USP43: variants seen among roughly 807,000 people sequenced by gnomAD.
USP43 encodes ubiquitin specific peptidase 43, also known as ubiquitin carboxyl-terminal hydrolase 43.
In USP43, 33 loss-of-function variants were observed where a neutral mutation model predicts 90.7. That is an observed-to-expected ratio of 0.36 (90% CI 0.28 to 0.49). The LOEUF (loss-of-function observed/expected upper bound fraction) is 0.49. Ranked by LOEUF, USP43 falls within the 20% of genes least tolerant of loss-of-function variation. The probability of loss-of-function intolerance (pLI) is 0.98; values close to 1 mark genes in which losing one functional copy is unlikely to be tolerated. For missense variants in USP43, 1,274 were observed against 1,476.4 expected, an observed-to-expected ratio of 0.86 and a Z score of 2.25; for synonymous variants, 598 against 615.8, an observed-to-expected ratio of 0.97 and a Z score of 0.43.
chr17:9,714,224 T>C (rs1916361214), intron 14 of USP43, among the ~76,000 whole-genome samples: 1 of 152,176 alleles, frequency 6.6e-6, no homozygotes, highest in African/African-American at 2.4e-5. Flanking sequence ...GCCCGATTCC[T>C]AACAGGCTGT....
At chr17:9,716,551 A>G (rs1038494252) in intron 14 of USP43, among the ~76,000 whole-genome samples, 4 of 152,198 alleles carry the variant, frequency 2.6e-5, no homozygotes, top group African/African-American at 9.6e-5. Flanking sequence ...ACAATTGTCA[A>G]TAAAAAAGCA....
intron 14 of USP43, among the ~76,000 whole-genome samples, chr17:9,719,667 G>A (rs1916818292): frequency 6.6e-6 from 1 of 152,216 alleles, no homozygotes; most frequent in Non-Finnish European, 1.5e-5. Context: ...TTCACATGGA[G>A]AGAGACTGCA....
chr17:9,656,635 G>T lies in USP43; in HGVS notation c.636+101G>T, dbSNP rs139145187. On this transcript the variant is annotated intron_variant, in intron 2 of 14. Coordinates refer to ENST00000285199, the MANE Select transcript of USP43 (RefSeq NM_153210.5). ...CTGAATCTTGAAATTGAGATTCTTA[G>T]ATTCCTATATAGTCTGGCTACTATA... The T allele has an allele frequency of 3.1e-4, 437 of 1,420,942 alleles. 2 individuals carry two copies. In the African/African-American group the frequency reaches 4.3e-3, roughly 14 times the overall value. 88.0% of individuals were successfully genotyped at this position (1,420,942 alleles called of 1,614,324 possible).
chr17:9,659,027 G>A (rs116987472), intron 2 of USP43, among the ~76,000 whole-genome samples: 1 of 152,300 alleles, frequency 6.6e-6, no homozygotes, highest in Non-Finnish European at 1.5e-5. Flanking sequence ...CTAATTGGGT[G>A]CAGCTGGGTT....
At chr17:9,661,337 C>T (rs1276913676) in intron 2 of USP43, among the ~76,000 whole-genome samples, 28 of 152,154 alleles carry the variant, frequency 1.8e-4, no homozygotes, top group Non-Finnish European at 1.5e-5. Context: ...CATGTCATCT[C>T]TTGGGATTTT....
At chr17:9,671,595 A>G (rs1729920560) in intron 3 of USP43, among the ~76,000 whole-genome samples, 1 of 152,228 alleles carries the variant, frequency 6.6e-6, no homozygotes, top group Non-Finnish European at 1.5e-5. Flanking sequence ...AGCAAACCGC[A>G]GCCCTGAGTT....
chr17:9,692,476 G>A (rs1915017755), intron 8 of USP43, among the ~76,000 whole-genome samples: 1 of 152,096 alleles, frequency 6.6e-6, no homozygotes, highest in African/African-American at 2.4e-5. Flanking sequence ...TGGGCTTCTT[G>A]GCCATCTGTA....
At chr17:9,679,516 CTTTTTTTTTTTT>C (rs544977324) in intron 5 of USP43, among the ~76,000 whole-genome samples, 11 of 82,308 alleles carry the variant, frequency 1.3e-4, no homozygotes, top group Non-Finnish European at 1.9e-4. Context: ...TGAAATGCAT[CTTTTTTTTTTTT>C]TTTTTTTTTT....
Position 9,663,542 on chromosome 17 carries a change from C to G in USP43, c.637-3106C>G, listed in dbSNP as rs368607639. 4.0e-3 allele frequency among the ~76,000 whole-genome samples: 604 copies of G among 152,276 alleles called. 2 individuals carry two copies. Among genetic ancestry groups the G allele is most frequent in the African/African-American group, 0.013 (557 of 41,544 alleles). ...TGAACTCCTGACCTCAGGTGATCCA[C>G]CCGCCTCAGCCTCCCGAAGTGCTGG... On this transcript the variant is annotated intron_variant, in intron 2 of 14. Transcript: ENST00000285199.
intron 12 of USP43, among the ~76,000 whole-genome samples, chr17:9,704,428 G>A (rs1212211249): frequency 3.3e-5 from 5 of 152,076 alleles, no homozygotes; most frequent in Non-Finnish European, 7.4e-5. Context: ...CCAGCCTCCT[G>A]AGTACTTGGG....
rs770716441 is a variant in USP43 at position 9,719,305 on chromosome 17, G to A, written c.2335+7173G>A. 4.6e-5 allele frequency among the ~76,000 whole-genome samples: 7 copies of A among 152,158 alleles called. No individual in the cohort carries two copies. The East Asian group carries it at 5.8e-4, about 13-fold the overall frequency. Reference sequence around the variant, plus strand: ...GCTTGATATCCTCCCAGGAGGAGGCGATTTCAAAGGATGGTCCAAGTTTTT... The same window carrying A: ...GCTTGATATCCTCCCAGGAGGAGGCAATTTCAAAGGATGGTCCAAGTTTTT... On this transcript the variant is annotated intron_variant, in intron 14 of 14. Transcript: ENST00000285199.
In USP43 at chr17:9,671,279, A is replaced by AGTGT. The variant is rs61191393; in HGVS notation, c.741-3594_741-3591dup. 9.8e-3 allele frequency among the ~76,000 whole-genome samples: 1,465 copies of AGTGT among 149,674 alleles called. 22 individuals carry two copies. The highest frequency in any genetic ancestry group is 0.034 in the African/African-American group (1,387 of 40,742). On this transcript the variant is annotated intron_variant, in intron 3 of 14. Transcript: ENST00000285199. Reference sequence around the variant, plus strand: ...TGTTGGAGTTTTGGCTGGAGGAGGGAGTGTGTGTGTGTGTGTGTGTGCACA... The same window carrying AGTGT: ...TGTTGGAGTTTTGGCTGGAGGAGGGAGTGTGTGTGTGTGTGTGTGTGTGTGCACA...
At position 9,709,640 on chromosome 17, in the gene USP43, C is replaced by T. The variant is rs996715264; in HGVS notation, c.2012-316C>T. Reference sequence around the variant, plus strand: ...CTGAGGCAGGAGAATCACTGGAACCCGGGGGGTGGAGGTTGCCGTGAGCCG... The same window carrying T: ...CTGAGGCAGGAGAATCACTGGAACCTGGGGGGTGGAGGTTGCCGTGAGCCG... On this transcript the variant is annotated intron_variant, in intron 12 of 14. Coordinates refer to ENST00000285199, the MANE Select transcript of USP43 (RefSeq NM_153210.5). The surrounding 1 kb of genome is among the most constrained non-coding windows in gnomAD (Gnocchi z 5.0). Among the ~76,000 whole-genome samples the T allele has an allele frequency of 1.3e-5, 2 of 152,082 alleles. No individual in the cohort carries two copies. Among genetic ancestry groups the T allele is most frequent in the South Asian group, 4.2e-4 (2 of 4,804 alleles).
In USP43 at chr17:9,702,745, C is replaced by T. The variant is rs1413965324; in HGVS notation, c.2011+1045C>T. Among the ~76,000 whole-genome samples, 10 of 152,254 alleles carry T rather than the reference C, an allele frequency of 6.6e-5. No individual in the cohort carries two copies. In the South Asian group the frequency reaches 1.2e-3, roughly 19 times the overall value. ...AGCTGCGGCAATTGAGTGTCTCCACCGTGCAGATAGTGTGGAGGGTCATCG... is the reference window on the plus strand; with the variant it reads ...AGCTGCGGCAATTGAGTGTCTCCACTGTGCAGATAGTGTGGAGGGTCATCG... On this transcript the variant is annotated intron_variant, in intron 12 of 14. Transcript: ENST00000285199.
At chr17:9,721,897 A>ATT (rs375545876) in intron 14 of USP43, among the ~76,000 whole-genome samples, 1,583 of 136,952 alleles carry the variant, frequency 0.012, 33 homozygotes, top group African/African-American at 0.039. Context: ...CACCCAGCTA[A>ATT]TTTTTTTTTT....
intron 14 of USP43, among the ~76,000 whole-genome samples, chr17:9,713,643 T>C (rs1330536949): frequency 6.6e-6 from 1 of 152,004 alleles, no homozygotes; most frequent in East Asian, 1.9e-4. Flanking sequence ...TGGGAGACAG[T>C]GGTGGTTTGA....
At chr17:9,705,541 G>T (rs1915819319) in intron 12 of USP43, among the ~76,000 whole-genome samples, 1 of 151,762 alleles carries the variant, frequency 6.6e-6, no homozygotes, top group African/African-American at 2.4e-5. Context: ...GATCACTTGA[G>T]GTTAGGAGTT....
chr17:9,662,820 C>CT (rs758792118), intron 2 of USP43, among the ~76,000 whole-genome samples: 5,362 of 140,722 alleles, frequency 0.038, 250 homozygotes, highest in African/African-American at 0.12. Flanking sequence ...TATATGATCT[C>CT]TTTTTTTTTT....
chr17:9,689,232 A>C (rs1423275011), intron 8 of USP43, among the ~76,000 whole-genome samples: 1 of 152,188 alleles, frequency 6.6e-6, no homozygotes, highest in African/African-American at 2.4e-5. Context: ...TCATTTGAAG[A>C]GAATATATTC....
Sources: gnomAD v4.1 joint callset for allele counts (sites outside exome capture counted in the v4.1 genomes callset) on GRCh38, gnomAD v4.1.1 for gene constraint, Gnocchi (gnomAD v3.1) non-coding constraint, MANE v1.5 for transcripts, NCBI Gene and HGNC (gene_info 2026-07-23, HGNC 2026-07-21) for gene names.